SH3BP2: variants seen among roughly 807,000 people sequenced by gnomAD.
The protein encoded by SH3BP2 is SH3 domain binding protein 2.
In SH3BP2, 38 loss-of-function variants were observed where a neutral mutation model predicts 56.2. That is an observed-to-expected ratio of 0.68 (90% CI 0.52 to 0.89). The LOEUF (loss-of-function observed/expected upper bound fraction) is 0.89. SH3BP2 is among the 40% of genes least tolerant of loss of function. The probability of loss-of-function intolerance (pLI) is 0.00; values close to 1 mark genes in which losing one functional copy is unlikely to be tolerated. For synonymous variants in SH3BP2, 346 were observed against 316.7 expected (o/e 1.09, Z -0.98); for missense variants, 748 against 762.6 (o/e 0.98, Z 0.23).
At chr4:2,802,491 T>G (rs1723332817) in intron 1 of SH3BP2, among the ~76,000 whole-genome samples, 1 of 149,254 alleles carries the variant, frequency 6.7e-6, no homozygotes, top group African/African-American at 2.5e-5. Context: ...TATATGTGTA[T>G]ATGTATATAT....
At chr4:2,799,991 G>A (rs112610452) in intron 1 of SH3BP2, among the ~76,000 whole-genome samples, 4 of 152,222 alleles carry the variant, frequency 2.6e-5, no homozygotes, top group African/African-American at 9.6e-5. Context: ...CCGAACATAC[G>A]CCCTCCAAGC....
At chr4:2,808,065 C>T (rs1429978787) in intron 1 of SH3BP2, among the ~76,000 whole-genome samples, 1 of 151,804 alleles carries the variant, frequency 6.6e-6, no homozygotes, top group Admixed American at 6.6e-5. Flanking sequence ...CTGGGGCTGC[C>T]CTAAGAAAGT....
rs762487786 is a variant in SH3BP2, at chr4:2,825,076, G to A, written c.358-50G>A. The A allele has an allele frequency of 6.0e-6, 9 of 1,503,436 alleles. No homozygotes were observed. The East Asian group carries it at 1.7e-4, about 29-fold the overall frequency. The allele number at this position is 1,503,436 out of a possible 1,614,324, so 93.1% of individuals were successfully genotyped here. A position where few individuals can be genotyped will look rare whatever the true frequency, so the allele number is the denominator to read the frequency against. ...GGCAGTGAAGGTGGAGGGGTGCGGT[G>A]GGGCCCACCCTGGTGGCACCGTGCC... On this transcript the variant is annotated intron_variant, in intron 4 of 12. Transcript: ENST00000503393.
intron 1 of SH3BP2, among the ~76,000 whole-genome samples, chr4:2,797,945 G>C (rs1219601622): frequency 1.3e-5 from 2 of 152,244 alleles, no homozygotes; most frequent in Non-Finnish European, 2.9e-5. Flanking sequence ...AGCCTAATGT[G>C]CCAGTCAGCC....
Position 2,832,913 on chromosome 4 carries a change from A to G in SH3BP2, c.1489-77A>G, listed in dbSNP as rs566445791. 515 of 1,447,202 alleles carry G rather than the reference A, an allele frequency of 3.6e-4. 5 individuals carry two copies. The Admixed American group carries it at 8.4e-3, about 24-fold the overall frequency. The allele number at this position is 1,447,202 out of a possible 1,614,324, so 89.6% of individuals were successfully genotyped here. A position where few individuals can be genotyped will look rare whatever the true frequency, so the allele number is the denominator to read the frequency against. On this transcript the variant is annotated intron_variant, in intron 11 of 12. Transcript: ENST00000503393. The stretch of plus-strand genomic sequence containing the variant: ...CCAGCCTTGATGGTTCTGCCCCCCT[A>G]TCCCCAGCCCATGGTCTCCCGAGGC...
rs190960740 is a variant in SH3BP2, at chr4:2,807,758, C to G, written c.-4-12856C>G. ...TGGCCTGAGACAAGGAAGGGCAGGCCAAAGGGGTGAACGCGAGGCCAGGAG... is the reference window on the plus strand; with the variant it reads ...TGGCCTGAGACAAGGAAGGGCAGGCGAAAGGGGTGAACGCGAGGCCAGGAG... On this transcript the variant is annotated intron_variant, in intron 1 of 12. Coordinates refer to ENST00000503393, the MANE Select transcript of SH3BP2 (RefSeq NM_001122681.2). Among the ~76,000 whole-genome samples, 38 of 152,278 alleles carry G rather than the reference C, an allele frequency of 2.5e-4. No homozygotes were observed. The East Asian group carries it at 6.9e-3, about 28-fold the overall frequency.
At position 2,829,666 on chromosome 4, in the gene SH3BP2, T is replaced by C. The variant is rs1211847666; in HGVS notation, c.760T>C (p.Ser254Pro). ...LPDVGLAAED[S>P]KRDPLCPRRA... ...AGATGTTGGCCTGGCTGCTGAGGAC[T>C]CCAAGAGGGACCCACTGTGCCCGAG... The change falls in exon 8 of 13, where the codon TCC becomes CCC. Residue 254 changes from serine to proline, a missense_variant. Ser to Pro is a moderately conservative substitution (Grantham distance 74). Around this residue, in one of 3 missense-constraint regions of SH3BP2, gnomAD observed 635 missense variants for 615.0 expected, o/e 1.03. Coordinates refer to ENST00000503393, the MANE Select transcript of SH3BP2 (RefSeq NM_001122681.2). This position sits in a 1 kb window ranked among gnomAD's most constrained non-coding sequence, Gnocchi z 4.9. 15 of 1,612,038 alleles carry C rather than the reference T, an allele frequency of 9.3e-6. No homozygotes were observed. The highest frequency in any genetic ancestry group is 2.7e-5 in the African/African-American group (2 of 74,390).
chr4:2,824,740 G>A lies in SH3BP2; in HGVS notation c.357+10G>A. The A allele has an allele frequency of 6.3e-7, 1 of 1,595,066 alleles. No homozygotes were observed. Among genetic ancestry groups the A allele is most frequent in the Non-Finnish European group, 8.6e-7 (1 of 1,163,452 alleles). ...CGAGGAGGAGCGCAAGGTGACTGGG[G>A]GTCCGAGGACGAGTGCAAGGTGACT... is the stretch of plus-strand genomic sequence containing the variant. On this transcript the variant is annotated intron_variant, in intron 4 of 12. Transcript: ENST00000503393.
At chr4:2,812,833 G>A (rs1358089726) in intron 1 of SH3BP2, among the ~76,000 whole-genome samples, 1 of 146,946 alleles carries the variant, frequency 6.8e-6, no homozygotes, top group South Asian at 2.3e-4. Flanking sequence ...GGTGGCCTTG[G>A]TGTTTGGGTC....
rs779167068 is a variant in SH3BP2 at position 2,824,775 on chromosome 4, G to A, written c.357+45G>A. On this transcript the variant is annotated intron_variant, in intron 4 of 12. Coordinates refer to ENST00000503393, the MANE Select transcript of SH3BP2 (RefSeq NM_001122681.2). ...CGAGTGCAAGGTGACTGGGGGTGTGGGCCTGCAGGCACCAGGCTGGACCTG... is the reference window on the plus strand; with the variant it reads ...CGAGTGCAAGGTGACTGGGGGTGTGAGCCTGCAGGCACCAGGCTGGACCTG... The A allele has an allele frequency of 1.3e-4, 185 of 1,417,286 alleles. No individual in the cohort carries two copies. In the Middle Eastern group the frequency reaches 2.8e-3, roughly 21 times the overall value. 87.8% of individuals were successfully genotyped at this position (1,417,286 alleles called of 1,614,324 possible).
chr4:2,833,428 C>T (rs906748765), intron 12 of SH3BP2: 44 of 588,456 alleles, frequency 7.5e-5, no homozygotes, highest in South Asian at 5.3e-4. Flanking sequence ...CGTGGGCCAC[C>T]GTGCCTGGCC....
At chr4:2,830,244 CTT>C in intron 8 of SH3BP2, 97 bp downstream of exon 8, 1 of 1,218,474 alleles carries the variant, frequency 8.2e-7, no homozygotes, top group Non-Finnish European at 1.1e-6. Context: ...CCCTGGCACT[CTT>C]AGCCCACGAC....
At position 2,830,051 on chromosome 4, in the gene SH3BP2, C is replaced by T; in HGVS notation, c.1145C>T (p.Ala382Val). 1 of 1,612,070 alleles carries T rather than the reference C, an allele frequency of 6.2e-7. No individual in the cohort carries two copies. Among genetic ancestry groups the T allele is most frequent in the East Asian group, 2.2e-5 (1 of 44,880 alleles). The change falls in exon 8 of 13, where the codon GCT becomes GTT. Residue 382 changes from alanine to valine, a missense_variant. This residue lies in a region of SH3BP2 where 635 missense variants were observed against 615.0 expected (regional missense o/e 1.03). Transcript: ENST00000503393. The part of the protein sequence containing the change: ...AMPGLFVPPV[A>V]PRPPALKLPV... ...CCCGGACTCTTTGTGCCCCCCGTGGCTCCCCGGCCTCCTGCGCTGAAGCTG... is the reference window on the plus strand; with the variant it reads ...CCCGGACTCTTTGTGCCCCCCGTGGTTCCCCGGCCTCCTGCGCTGAAGCTG...
chr4:2,816,211 G>A (rs932339893), intron 1 of SH3BP2, among the ~76,000 whole-genome samples: 7 of 151,794 alleles, frequency 4.6e-5, no homozygotes, highest in African/African-American at 1.7e-4. Flanking sequence ...CCTGCCACCT[G>A]GTATTTTTAG....
chr4:2,833,799 C>T lies in SH3BP2; in HGVS notation c.1651C>T (p.Leu551=). The T allele has an allele frequency of 5.0e-6, 8 of 1,591,594 alleles. No individual in the cohort carries two copies. The highest frequency in any genetic ancestry group is 6.8e-6 in the Non-Finnish European group (8 of 1,168,908). ...HVLPSHQSLL[L]RHPYGYTGPR is the part of the protein sequence containing the mutation. ...GCTGCCCAGCCACCAGAGCCTGCTG[C>T]TGCGGCACCCCTACGGCTACACTGG... The change falls in exon 13 of 13, where the codon CTG becomes TTG. Residue 551 remains leucine (L), a synonymous_variant. Coordinates refer to ENST00000503393, the MANE Select transcript of SH3BP2 (RefSeq NM_001122681.2).
chr4:2,807,680 C>T (rs1317934851), intron 1 of SH3BP2, among the ~76,000 whole-genome samples: 1 of 152,174 alleles, frequency 6.6e-6, no homozygotes, highest in African/African-American at 2.4e-5. Context: ...GCAGGCGCCG[C>T]ACCCCATCCA....
In SH3BP2 at chr4:2,829,896, CTG is replaced by C. The variant is rs1171967366; in HGVS notation, c.993_994del (p.Cys331Ter). 3 of 1,613,822 alleles carry C rather than the reference CTG, an allele frequency of 1.9e-6. No individual in the cohort carries two copies. Among genetic ancestry groups the C allele is most frequent in the Non-Finnish European group, 2.5e-6 (3 of 1,180,036 alleles). ...TCATGGCCACTGCCACCTCCAGAAA[CTG>C]TGACAAACTCAAGTCCTTCCACCTG... ...AIMATATSRN[C>X]DKLKSFHLSP... On this transcript the variant is annotated frameshift_variant, in exon 8 of 13. Coordinates refer to ENST00000503393, the MANE Select transcript of SH3BP2 (RefSeq NM_001122681.2). LOFTEE classifies it high-confidence loss of function. The surrounding 1 kb of genome is among the most constrained non-coding windows in gnomAD (Gnocchi z 4.9).
chr4:2,827,974 C>T (rs115083633), intron 7 of SH3BP2, among the ~76,000 whole-genome samples: 1,533 of 152,262 alleles, frequency 0.01, 27 homozygotes, highest in African/African-American at 0.035. Context: ...CGCTGAGGAG[C>T]GCGCAGGCTC....
chr4:2,819,845 C>T (rs1212023771), intron 1 of SH3BP2, among the ~76,000 whole-genome samples: 1 of 151,496 alleles, frequency 6.6e-6, no homozygotes, highest in Non-Finnish European at 1.5e-5. Flanking sequence ...AGGAGAGCAG[C>T]TGGAGCATGA....
Sources: allele counts gnomAD v4.1 joint callset (sites outside exome capture counted in the v4.1 genomes callset), GRCh38; gene constraint gnomAD v4.1.1; regional missense constraint gnomAD v4.1.1; non-coding constraint Gnocchi (gnomAD v3.1); transcripts MANE v1.5; gene names NCBI Gene and HGNC (gene_info 2026-07-23, HGNC 2026-07-21).